GRIA4: variants seen among roughly 807,000 people sequenced by gnomAD.
The protein encoded by GRIA4 is glutamate ionotropic receptor AMPA type subunit 4, also known as glutamate receptor 4.
In GRIA4, 34 loss-of-function variants were observed where a neutral mutation model predicts 104.0. The ratio of observed to expected loss-of-function variants is 0.33; its 90% CI spans 0.25 to 0.44. The LOEUF (loss-of-function observed/expected upper bound fraction) is 0.44. Among genes scored for constraint, GRIA4 ranks in the 20% least tolerant of loss-of-function variants. The pLI, the probability that GRIA4 is intolerant of heterozygous loss-of-function variation, is 1.00. For missense variants in GRIA4, 750 were observed against 1,096.5 expected (o/e 0.68, Z 4.46); for synonymous variants, 386 against 381.9 (o/e 1.01, Z -0.13).
intron 3 of GRIA4, among the ~76,000 whole-genome samples, chr11:105,730,715 A>G (rs140038990): frequency 9.2e-5 from 14 of 152,338 alleles, no homozygotes; most frequent in African/African-American, 3.1e-4. Context: ...GTCCTCAGAA[A>G]TAACACCACA....
intron 3 of GRIA4, among the ~76,000 whole-genome samples, chr11:105,712,326 G>C (rs1953939288): frequency 6.6e-6 from 1 of 150,724 alleles, no homozygotes; most frequent in Non-Finnish European, 1.5e-5. Flanking sequence ...CGAAGTCTCT[G>C]TGTATAAAAA....
chr11:105,870,656 A>C (rs1413169951), intron 5 of GRIA4, among the ~76,000 whole-genome samples: 1 of 152,070 alleles, frequency 6.6e-6, no homozygotes, highest in Non-Finnish European at 1.5e-5. Flanking sequence ...GAACAGGGTA[A>C]TAGGAGAGAG....
rs975647520 is a variant in GRIA4, at chr11:105,887,500, T to C, written c.673-19T>C. Reference sequence around the variant, plus strand: ...GTGAATTAAAATTGATTTTCTCTTATTTGCTTATATCTTCACAGATTGTAA... The same window carrying C: ...GTGAATTAAAATTGATTTTCTCTTACTTGCTTATATCTTCACAGATTGTAA... On this transcript the variant is annotated intron_variant, in intron 5 of 16. Coordinates refer to ENST00000282499, the MANE Select transcript of GRIA4 (RefSeq NM_000829.4). 3 of 1,114,080 alleles carry C rather than the reference T, an allele frequency of 2.7e-6. No homozygotes were observed. Among genetic ancestry groups the C allele is most frequent in the Non-Finnish European group, 3.9e-6 (3 of 762,442 alleles). The allele number at this position is 1,114,080 out of a possible 1,614,324, so 69.0% of individuals were successfully genotyped here. A position where few individuals can be genotyped will look rare whatever the true frequency, so the allele number is the denominator to read the frequency against.
intron 3 of GRIA4, among the ~76,000 whole-genome samples, chr11:105,619,135 T>C (rs1950676410): frequency 6.6e-6 from 1 of 151,796 alleles, no homozygotes; most frequent in African/African-American, 2.4e-5. Context: ...TATATTGGCC[T>C]AGAATGTTCT....
chr11:105,798,305 G>A (rs192248292), intron 4 of GRIA4, among the ~76,000 whole-genome samples: 168 of 152,286 alleles, frequency 1.1e-3, no homozygotes, highest in Admixed American at 2.6e-3. Context: ...CCTGAAGAAG[G>A]TGAGGGAGTT....
chr11:105,661,117 T>C (rs1042289219), intron 3 of GRIA4, among the ~76,000 whole-genome samples: 1 of 151,600 alleles, frequency 6.6e-6, no homozygotes, highest in Admixed American at 6.6e-5. Flanking sequence ...TAGTGTGACA[T>C]AATAAGGAAT....
chr11:105,883,637 T>C (rs1282192079), intron 5 of GRIA4, among the ~76,000 whole-genome samples: 3 of 152,190 alleles, frequency 2.0e-5, no homozygotes, highest in Non-Finnish European at 2.9e-5. Context: ...TAGTATTCCA[T>C]GGTGTATATG....
chr11:105,717,926 C>A (rs1046338853), intron 3 of GRIA4, among the ~76,000 whole-genome samples: 1 of 139,002 alleles, frequency 7.2e-6, no homozygotes, highest in Non-Finnish European at 1.5e-5. Context: ...TGAGTTCATG[C>A]CCTTTGTAGG....
intron 14 of GRIA4, among the ~76,000 whole-genome samples, chr11:105,939,268 T>C (rs1948126537): frequency 6.6e-6 from 1 of 152,204 alleles, no homozygotes; most frequent in Non-Finnish European, 1.5e-5. Context: ...GAAAAGTTTC[T>C]ATATTCAAGG....
intron 3 of GRIA4, among the ~76,000 whole-genome samples, chr11:105,623,085 A>C (rs944076138): frequency 9.9e-5 from 9 of 90,590 alleles, no homozygotes; most frequent in Admixed American, 6.5e-4. Flanking sequence ...ATATATATAT[A>C]TATATACCAT....
At chr11:105,752,226 T>C (rs1362109071) in intron 3 of GRIA4, among the ~76,000 whole-genome samples, 2 of 152,196 alleles carry the variant, frequency 1.3e-5, no homozygotes, top group African/African-American at 4.8e-5. Context: ...TGAGGCCGTG[T>C]ACCTGTTTCT....
chr11:105,728,568 A>G (rs1009251013), intron 3 of GRIA4, among the ~76,000 whole-genome samples: 1 of 152,302 alleles, frequency 6.6e-6, no homozygotes, highest in Admixed American at 6.5e-5. Flanking sequence ...TAAGCACCAC[A>G]TAGCACTTAT....
chr11:105,654,385 A>G (rs983021618), intron 3 of GRIA4, among the ~76,000 whole-genome samples: 3 of 152,176 alleles, frequency 2.0e-5, no homozygotes, highest in African/African-American at 7.2e-5. Flanking sequence ...ATGTAACGCT[A>G]TGTTCATTAA....
intron 4 of GRIA4, among the ~76,000 whole-genome samples, chr11:105,792,914 C>G (rs1591265559): frequency 6.6e-6 from 1 of 151,816 alleles, no homozygotes; most frequent in Non-Finnish European, 1.5e-5. Flanking sequence ...GTCCAACATA[C>G]AAGACAGGCT....
At chr11:105,937,875 T>C (rs2136219141) in intron 14 of GRIA4, among the ~76,000 whole-genome samples, 1 of 152,306 alleles carries the variant, frequency 6.6e-6, no homozygotes, top group Admixed American at 6.5e-5. Context: ...CAATGCCAAA[T>C]TGCAGGAACC....
At position 105,866,551 on chromosome 11, in the gene GRIA4, G is replaced by GTATATATATATATATATATA. The variant is rs71041633; in HGVS notation, c.672+4357_672+4376dup. On this transcript the variant is annotated intron_variant, in intron 5 of 16. Coordinates refer to ENST00000282499, the MANE Select transcript of GRIA4 (RefSeq NM_000829.4). ...TATACGCATATGTGTGTGTGTGTGT[G>GTATATATATATATATATATA]TATATATATATATATATATATATAT... Among the ~76,000 whole-genome samples, 21 of 76,686 alleles carry GTATATATATATATATATATA rather than the reference G, an allele frequency of 2.7e-4. 1 individual carries two copies. The highest frequency in any genetic ancestry group is 8.5e-4 in the African/African-American group (13 of 15,318). 50.3% of individuals were successfully genotyped at this position (76,686 alleles called of 152,430 possible). A position where few individuals can be genotyped will look rare whatever the true frequency, so the allele number is the denominator to read the frequency against.
intron 3 of GRIA4, among the ~76,000 whole-genome samples, chr11:105,743,877 A>T (rs1481547837): frequency 6.6e-6 from 1 of 152,156 alleles, no homozygotes; most frequent in African/African-American, 2.4e-5. Flanking sequence ...AATTTATTAG[A>T]TTCTGCCTAT....
At chr11:105,671,361 G>T (rs1952358307) in intron 3 of GRIA4, among the ~76,000 whole-genome samples, 1 of 151,930 alleles carries the variant, frequency 6.6e-6, no homozygotes, top group Admixed American at 6.6e-5. Context: ...TTTGATAATA[G>T]ATCAAATGAG....
intron 4 of GRIA4, among the ~76,000 whole-genome samples, chr11:105,845,357 G>A (rs772984848): frequency 5.9e-5 from 9 of 152,168 alleles, no homozygotes; most frequent in African/African-American, 1.9e-4. Flanking sequence ...TCTATTGGCC[G>A]TTATGATCTA....
Sources: gnomAD v4.1 joint callset for allele counts (sites outside exome capture counted in the v4.1 genomes callset) on GRCh38, gnomAD v4.1.1 for gene constraint, MANE v1.5 for transcripts, NCBI Gene and HGNC (gene_info 2026-07-23, HGNC 2026-07-21) for gene names.